Variants in FHOD3 observed in about 807,000 individuals in gnomAD.
FHOD3 encodes the protein FH1/FH2 domain-containing protein 3.
FHOD3 carries 90 observed loss-of-function variants against 173.0 expected under a neutral mutation model. That is an observed-to-expected ratio of 0.52 (90% confidence interval 0.44 to 0.62). The LOEUF is 0.62. FHOD3 is among the 20% of genes least tolerant of loss of function. The pLI, the probability that FHOD3 is intolerant of heterozygous loss-of-function variation, is 0.00. For missense variants in FHOD3, 1,945 were observed against 2,034.7 expected (o/e 0.96, Z 0.85); for synonymous variants, 828 against 823.0 (o/e 1.01, Z -0.10).
At chr18:36,377,973 C>T (rs1467344169) in intron 3 of FHOD3, among the ~76,000 whole-genome samples, 1 of 152,208 alleles carries the variant, frequency 6.6e-6, no homozygotes, top group East Asian at 1.9e-4. Context: ...GGTGGTACAC[C>T]CTCTTTGCCC....
At chr18:36,493,645 G>T (rs975010860) in intron 3 of FHOD3, among the ~76,000 whole-genome samples, 4 of 152,124 alleles carry the variant, frequency 2.6e-5, no homozygotes, top group Non-Finnish European at 2.9e-5. Flanking sequence ...AGAGCAAATG[G>T]CACACAGCTA....
chr18:36,350,685 G>A (rs1396732603), intron 1 of FHOD3, among the ~76,000 whole-genome samples: 7 of 152,278 alleles, frequency 4.6e-5, no homozygotes, highest in South Asian at 2.1e-4. Context: ...GAGATTCCCC[G>A]GTGGGGACTG....
chr18:36,682,055 T>C (rs146740284), intron 15 of FHOD3, among the ~76,000 whole-genome samples: 1 of 152,220 alleles, frequency 6.6e-6, no homozygotes, highest in Non-Finnish European at 1.5e-5. Flanking sequence ...TGTTGATTAC[T>C]CTCAGCCCAT....
chr18:36,762,285 C>G (rs149647969), intron 27 of FHOD3, among the ~76,000 whole-genome samples: 1 of 152,276 alleles, frequency 6.6e-6, no homozygotes, highest in Non-Finnish European at 1.5e-5. Flanking sequence ...TTCCTATGAA[C>G]CAAAGAGCCA....
intron 3 of FHOD3, among the ~76,000 whole-genome samples, chr18:36,403,287 T>G (rs1318339639): frequency 6.6e-6 from 1 of 152,168 alleles, no homozygotes; most frequent in Non-Finnish European, 1.5e-5. Flanking sequence ...TAGAATAGAG[T>G]AAGACATTGC....
intron 5 of FHOD3, among the ~76,000 whole-genome samples, chr18:36,519,710 G>C (rs1451392168): frequency 6.6e-6 from 1 of 152,176 alleles, no homozygotes; most frequent in African/African-American, 2.4e-5. Context: ...CCTCTGTTCT[G>C]AGGTAAGAGA....
chr18:36,604,336 G>A (rs1384446969), intron 8 of FHOD3, among the ~76,000 whole-genome samples: 1 of 152,202 alleles, frequency 6.6e-6, no homozygotes, highest in Non-Finnish European at 1.5e-5. Flanking sequence ...ATGAAGTGGG[G>A]ATAAGTTTGT....
intron 24 of FHOD3, among the ~76,000 whole-genome samples, chr18:36,750,447 C>T (rs2042355906): frequency 6.6e-6 from 1 of 152,176 alleles, no homozygotes; most frequent in Non-Finnish European, 1.5e-5. Context: ...TCTGTTTACT[C>T]TGTTGATAGT....
At chr18:36,476,806 A>T (rs2053599844) in intron 3 of FHOD3, among the ~76,000 whole-genome samples, 1 of 152,208 alleles carries the variant, frequency 6.6e-6, no homozygotes, top group Non-Finnish European at 1.5e-5. Flanking sequence ...TAGTCAATTC[A>T]GTGTGGGGGC....
chr18:36,368,457 G>T (rs2047009802), intron 2 of FHOD3, among the ~76,000 whole-genome samples: 1 of 152,156 alleles, frequency 6.6e-6, no homozygotes, highest in Non-Finnish European at 1.5e-5. Flanking sequence ...CTGGGGGGCA[G>T]CTCTGTGGAG....
chr18:36,530,676 A>G (rs2056744834), intron 5 of FHOD3, among the ~76,000 whole-genome samples: 2 of 152,196 alleles, frequency 1.3e-5, no homozygotes, highest in Admixed American at 1.3e-4. Context: ...CAGCATGCAC[A>G]TTCTTGTTGT....
chr18:36,693,093 A>T, intron 16 of FHOD3, 116 bp from the exon 17 acceptor site: 1 of 1,027,304 alleles, frequency 9.7e-7, no homozygotes. Context: ...CCAGCCCTGC[A>T]CTGTGCTGTG....
intron 3 of FHOD3, among the ~76,000 whole-genome samples, chr18:36,459,626 G>A (rs866277755): frequency 1.3e-5 from 2 of 152,064 alleles, no homozygotes; most frequent in Non-Finnish European, 2.9e-5. Context: ...TCAAATGGTC[G>A]TGGTATTAGA....
chr18:36,668,850 T>C (rs2037351458), intron 14 of FHOD3, among the ~76,000 whole-genome samples: 1 of 152,042 alleles, frequency 6.6e-6, no homozygotes, highest in African/African-American at 2.4e-5. Context: ...GAACATATGT[T>C]GTATGACTTG....
intron 1 of FHOD3, among the ~76,000 whole-genome samples, chr18:36,300,059 A>C (rs777377583): frequency 3.3e-5 from 5 of 152,186 alleles, no homozygotes; most frequent in Non-Finnish European, 7.3e-5. Context: ...AGCACTTGGC[A>C]TGTAGTGTAT....
intron 3 of FHOD3, among the ~76,000 whole-genome samples, chr18:36,500,428 C>T (rs1398893452): frequency 1.3e-5 from 2 of 152,208 alleles, no homozygotes; most frequent in African/African-American, 2.4e-5. Context: ...TGTTCCATGC[C>T]ACTTGCACAA....
At chr18:36,646,338 G>A (rs2848923) in intron 10 of FHOD3, among the ~76,000 whole-genome samples, 55,421 of 151,902 alleles carry the variant, frequency 0.36, 11,020 homozygotes, top group African/African-American at 0.51. Context: ...AGACCTCTGT[G>A]AAAATTTAAA....
chr18:36,356,951 G>C (rs538911200), intron 2 of FHOD3, among the ~76,000 whole-genome samples: 2 of 151,950 alleles, frequency 1.3e-5, no homozygotes, highest in African/African-American at 4.8e-5. Flanking sequence ...TATCCATCTC[G>C]AACTAAGTAT....
chr18:36,622,520 G>C lies in FHOD3; in HGVS notation c.958-2991G>C, dbSNP rs367931245. Among the ~76,000 whole-genome samples the C allele has an allele frequency of 1.1e-4, 16 of 152,290 alleles. No individual in the cohort carries two copies. The East Asian group carries it at 1.2e-3, about 11-fold the overall frequency. On this transcript the variant is annotated intron_variant, in intron 9 of 28. Coordinates refer to ENST00000590592, the MANE Select transcript of FHOD3 (RefSeq NM_001281740.3). ...TGGACCCTACTTGCTCCTTGCCCAA[G>C]TTTTTAGTTTACAAATAGCGTTCTA...
Sources: allele counts gnomAD v4.1 joint callset (sites outside exome capture counted in the v4.1 genomes callset), GRCh38; gene constraint gnomAD v4.1.1; transcripts MANE v1.5; gene names NCBI Gene and HGNC (gene_info 2026-07-23, HGNC 2026-07-21).